The following RBFOX3 variants were observed in gnomAD, a reference collection of about 807,000 sequenced individuals.
The protein encoded by RBFOX3 is RNA binding fox-1 homolog 3, also known as RNA binding protein fox-1 homolog 3.
RBFOX3 carries 17 observed loss-of-function variants against 48.7 expected under a neutral mutation model. The observed-to-expected ratio is 0.35, with a 90% CI of 0.24 to 0.52. RBFOX3 has a LOEUF of 0.52. Ranked by LOEUF, RBFOX3 falls within the 20% of genes least tolerant of loss-of-function variation. The pLI is 0.94. For synonymous variants in RBFOX3, 212 were observed against 209.5 expected (o/e 1.01, Z -0.10); for missense variants, 382 against 497.5 (o/e 0.77, Z 2.21).
At chr17:79,132,502 C>A (rs1265604820) in intron 4 of RBFOX3, among the ~76,000 whole-genome samples, 1 of 152,196 alleles carries the variant, frequency 6.6e-6, no homozygotes, top group Non-Finnish European at 1.5e-5. Context: ...GGCGGCTCCC[C>A]TCGGAGCCAA....
rs530721444 is a variant in RBFOX3, at chr17:79,115,683, G to T, written c.33C>A (p.Pro11=). The T allele has an allele frequency of 1.1e-4, 110 of 984,926 alleles. No individual in the cohort carries two copies. Among genetic ancestry groups the T allele is most frequent in the South Asian group, 9.9e-4 (63 of 63,522 alleles). The allele number at this position is 984,926 out of a possible 1,614,324, so 61.0% of individuals were successfully genotyped here. The change falls in exon 5 of 15, where the codon CCC becomes CCA. Residue 11 remains proline (P), a synonymous_variant. Transcript: ENST00000693108. MAQPYPPAQY[P]PPPQNGIPAE... ...CAGGGATGCCGTTCTGTGGCGGAGG[G>T]GGGTACTGGGCGGGGGGGTAGGGCT...
chr17:79,092,296 C>T lies in RBFOX3; in HGVS notation c.1078-1411G>A, dbSNP rs571331340. 3.4e-4 allele frequency: 339 copies of T among 985,522 alleles called. 1 individual carries two copies. The African/African-American group carries it at 5.4e-3, about 16-fold the overall frequency. 61.0% of individuals were successfully genotyped at this position (985,522 alleles called of 1,614,324 possible). On this transcript the variant is annotated intron_variant, in intron 14 of 14. Coordinates refer to ENST00000693108, the MANE Select transcript of RBFOX3 (RefSeq NM_001350451.2). ...GGCCCAGCCTGGACCCCACGGTGTG[C>T]ACACCGTACCTGCAATGGCTTGGGT...
intron 1 of RBFOX3, among the ~76,000 whole-genome samples, chr17:79,584,563 T>A (rs2093178703): frequency 2.0e-5 from 3 of 152,086 alleles, no homozygotes; most frequent in African/African-American, 7.2e-5. Context: ...TGTGTGTGTG[T>A]GTGTGTGTAT....
chr17:79,279,288 C>T (rs2069678718), intron 3 of RBFOX3, among the ~76,000 whole-genome samples: 1 of 152,192 alleles, frequency 6.6e-6, no homozygotes, highest in Non-Finnish European at 1.5e-5. Context: ...GGTCCTGGCA[C>T]ACAGTAGGCA....
intron 1 of RBFOX3, among the ~76,000 whole-genome samples, chr17:79,552,847 A>C (rs1356627425): frequency 6.6e-6 from 1 of 152,240 alleles, no homozygotes; most frequent in Non-Finnish European, 1.5e-5. Flanking sequence ...ACATATATAC[A>C]TATGGACATG....
intron 2 of RBFOX3, among the ~76,000 whole-genome samples, chr17:79,330,843 G>A (rs2080168679): frequency 1.3e-5 from 2 of 152,174 alleles, no homozygotes; most frequent in African/African-American, 4.8e-5. Context: ...CTGACTCTGT[G>A]GCCAACAGGA....
At chr17:79,095,697 C>T in intron 12 of RBFOX3, 123 bp from the exon 13 acceptor site, 2 of 759,786 alleles carry the variant, frequency 2.6e-6, no homozygotes, top group Non-Finnish European at 2.2e-6. Flanking sequence ...ACAGACCTTC[C>T]CAGCCTCCCA....
intron 8 of RBFOX3, among the ~76,000 whole-genome samples, chr17:79,102,310 G>A (rs1599426315): frequency 1.3e-5 from 2 of 152,204 alleles, no homozygotes; most frequent in Non-Finnish European, 2.9e-5. Context: ...TCCCAGGAAG[G>A]GGTCTGGGCT....
Position 79,300,773 on chromosome 17 carries a change from C to T in RBFOX3, c.-74+6951G>A, listed in dbSNP as rs189518537. ...CTCTGGGGGACACCCAGACGTGACC[C>T]TGTGCCTCTGCACCAGAGACCTTGG... On this transcript the variant is annotated intron_variant, in intron 3 of 14. Transcript: ENST00000693108. 7.9e-4 allele frequency among the ~76,000 whole-genome samples: 121 copies of T among 152,340 alleles called. 1 individual carries two copies. Among genetic ancestry groups the T allele is most frequent in the Non-Finnish European group, 4.1e-4 (28 of 68,038 alleles).
chr17:79,261,898 C>T (rs936426610), intron 3 of RBFOX3, among the ~76,000 whole-genome samples: 4 of 152,116 alleles, frequency 2.6e-5, no homozygotes, highest in Non-Finnish European at 5.9e-5. Context: ...CGGCCGGCCC[C>T]GCGGAATTGT....
intron 1 of RBFOX3, among the ~76,000 whole-genome samples, chr17:79,573,198 C>T (rs2092737901): frequency 6.6e-6 from 1 of 152,192 alleles, no homozygotes; most frequent in African/African-American, 2.4e-5. Context: ...GTCACCCTCT[C>T]CAGAGCGCAG....
At chr17:79,283,165 T>C (rs1269119729) in intron 3 of RBFOX3, among the ~76,000 whole-genome samples, 1 of 152,156 alleles carries the variant, frequency 6.6e-6, no homozygotes, top group African/African-American at 2.4e-5. Context: ...CCTCCGTTAG[T>C]AGGTTTTGCT....
intron 2 of RBFOX3, among the ~76,000 whole-genome samples, chr17:79,400,014 A>G (rs540985549): frequency 6.6e-6 from 1 of 152,318 alleles, no homozygotes; most frequent in East Asian, 1.9e-4. Flanking sequence ...CTGGAGGGAC[A>G]GTGGAGCCAC....
intron 2 of RBFOX3, among the ~76,000 whole-genome samples, chr17:79,449,301 A>G (rs1358204931): frequency 5.3e-5 from 8 of 151,652 alleles, no homozygotes. Context: ...TCCTGTGCTA[A>G]CCCCCGTTAA....
chr17:79,282,886 T>A (rs901789371), intron 3 of RBFOX3, among the ~76,000 whole-genome samples: 1 of 152,252 alleles, frequency 6.6e-6, no homozygotes, highest in African/African-American at 2.4e-5. Context: ...GACCCTCAGC[T>A]CTGCCTGGTA....
chr17:79,236,737 G>T (rs1398658040), intron 3 of RBFOX3, among the ~76,000 whole-genome samples: 1 of 152,136 alleles, frequency 6.6e-6, no homozygotes, highest in Non-Finnish European at 1.5e-5. Context: ...CAGGGCCCGG[G>T]GCCAGGGTAT....
intron 1 of RBFOX3, among the ~76,000 whole-genome samples, chr17:79,594,526 C>T (rs2093515172): frequency 6.6e-6 from 1 of 152,176 alleles, no homozygotes; most frequent in East Asian, 1.9e-4. Context: ...GGCCTAAATC[C>T]GGCTGTGCAG....
chr17:79,154,698 C>T (rs1795961), intron 4 of RBFOX3, among the ~76,000 whole-genome samples: 96,801 of 152,172 alleles, frequency 0.64, 30,997 homozygotes, highest in Middle Eastern at 0.68. Flanking sequence ...TCAGATCAGC[C>T]GCACCAAAGA....
At chr17:79,256,233 C>T (rs1427184513) in intron 3 of RBFOX3, among the ~76,000 whole-genome samples, 2 of 152,060 alleles carry the variant, frequency 1.3e-5, no homozygotes, top group Admixed American at 6.6e-5. Context: ...CAGGGAGGCA[C>T]GCTTGTCTCT....
Sources: allele counts gnomAD v4.1 joint callset (sites outside exome capture counted in the v4.1 genomes callset), GRCh38; gene constraint gnomAD v4.1.1; transcripts MANE v1.5; gene names NCBI Gene and HGNC (gene_info 2026-07-23, HGNC 2026-07-21).